CRISP1: variants seen among roughly 807,000 people sequenced by gnomAD.
The protein encoded by CRISP1 is cysteine-rich secretory protein 1.
A neutral mutation model predicts 33.1 loss-of-function variants in CRISP1; 44 were observed. The observed-to-expected ratio is 1.33, with a 90% CI of 1.05 to 1.71. The LOEUF (loss-of-function observed/expected upper bound fraction) is 1.71, where lower values mean the gene tolerates loss of function less well. Ranked by LOEUF, CRISP1 falls within the 40% of genes most tolerant of loss-of-function variation. The probability of loss-of-function intolerance (pLI) is 0.00; values close to 1 mark genes in which losing one functional copy is unlikely to be tolerated. For missense variants in CRISP1, 390 were observed against 301.2 expected (o/e 1.29, Z -2.18); for synonymous variants, 103 against 98.7 (o/e 1.04, Z -0.26).
intron 1 of CRISP1, among the ~76,000 whole-genome samples, chr6:49,876,653 G>A (rs147836526): frequency 6.6e-6 from 1 of 152,094 alleles, no homozygotes; most frequent in East Asian, 1.9e-4. Flanking sequence ...ATCAATTATA[G>A]GCTGGGTAAA....
At chr6:49,842,623 A>T (rs1771030848) in intron 5 of CRISP1, among the ~76,000 whole-genome samples, 1 of 152,046 alleles carries the variant, frequency 6.6e-6, no homozygotes, top group African/African-American at 2.4e-5. Context: ...GGGCTTACTC[A>T]CCTTCGCATT....
chr6:49,871,833 T>G (rs1379666103), intron 1 of CRISP1, among the ~76,000 whole-genome samples: 1 of 152,162 alleles, frequency 6.6e-6, no homozygotes. Flanking sequence ...AAGTCTTTGC[T>G]ATTGTGAATA....
At position 49,835,157 on chromosome 6, in the gene CRISP1, G is replaced by A. The variant is rs970769479; in HGVS notation, c.*159C>T. Reference sequence around the variant, plus strand: ...TCCAGCACTAAGAAAGTTTAAAACAGTGTTACTTCAGGATGTATCAGGATG... The same window carrying A: ...TCCAGCACTAAGAAAGTTTAAAACAATGTTACTTCAGGATGTATCAGGATG... On this transcript the variant is annotated 3_prime_UTR_variant, in exon 8 of 8. Transcript: ENST00000335847. The A allele has an allele frequency of 1.5e-6, 1 of 661,240 alleles. No individual in the cohort carries two copies. Among genetic ancestry groups the A allele is most frequent in the African/African-American group, 1.8e-5 (1 of 54,188 alleles). 41.0% of individuals were successfully genotyped at this position (661,240 alleles called of 1,614,324 possible). A position where few individuals can be genotyped will look rare whatever the true frequency, so the allele number is the denominator to read the frequency against.
chr6:49,860,772 G>T (rs1771625542), intron 1 of CRISP1, among the ~76,000 whole-genome samples: 1 of 151,812 alleles, frequency 6.6e-6, no homozygotes, highest in Non-Finnish European at 1.5e-5. Context: ...GTTTAGAGCA[G>T]AACTAGACAA....
chr6:49,841,178 C>A (rs1213336084), intron 5 of CRISP1, among the ~76,000 whole-genome samples, 183 bp from the exon 6 acceptor site: 1 of 152,124 alleles, frequency 6.6e-6, no homozygotes, highest in African/African-American at 2.4e-5. Flanking sequence ...CATGCATGTA[C>A]ACGCACATAG....
In CRISP1 at chr6:49,852,091, G is replaced by T. The variant is rs145871288; in HGVS notation, c.105C>A (p.Thr35=). 8 of 1,612,872 alleles carry T rather than the reference G, an allele frequency of 5.0e-6. No homozygotes were observed. The highest frequency in any genetic ancestry group is 5.1e-6 in the Non-Finnish European group (6 of 1,179,412). The change falls in exon 3 of 8, where the codon ACC becomes ACA. Residue 35 remains threonine, a synonymous_variant. Transcript: ENST00000335847. The stretch of plus-strand genomic sequence containing the variant: ...TCTCTTCTTGTACATTTGGCAAGTC[G>T]GTGACGAGCTTATTAAATTGGTCTC... ...SARDQFNKLV[T]DLPNVQEEIV... is the part of the protein sequence containing the mutation.
intron 1 of CRISP1, among the ~76,000 whole-genome samples, chr6:49,873,970 A>G (rs546251651): frequency 6.6e-6 from 1 of 152,210 alleles, no homozygotes; most frequent in South Asian, 2.1e-4. Context: ...ATTGGTTTAA[A>G]TACATTCCTT....
At chr6:49,873,516 C>T (rs998707424) in intron 1 of CRISP1, among the ~76,000 whole-genome samples, 5 of 151,974 alleles carry the variant, frequency 3.3e-5, no homozygotes, top group African/African-American at 1.2e-4. Context: ...GCTATTTTTC[C>T]TACCTAGAGA....
chr6:49,846,149 G>C (rs532991531), intron 5 of CRISP1, among the ~76,000 whole-genome samples: 4 of 152,076 alleles, frequency 2.6e-5, no homozygotes, highest in Non-Finnish European at 5.9e-5. Context: ...TAGTTAAAAT[G>C]GTAATTTTTT....
chr6:49,848,135 G>A (rs1023027886), intron 4 of CRISP1, 74 bp downstream of exon 4: 22 of 800,538 alleles, frequency 2.7e-5, no homozygotes, highest in Non-Finnish European at 4.1e-5. Flanking sequence ...CTTTCATCAG[G>A]GTACATAACA....
chr6:49,862,279 G>A (rs1265695498), intron 1 of CRISP1, among the ~76,000 whole-genome samples: 4 of 152,014 alleles, frequency 2.6e-5, no homozygotes, highest in Admixed American at 2.0e-4. Context: ...TACCAAAGAG[G>A]TGAAAAACTT....
intron 7 of CRISP1, among the ~76,000 whole-genome samples, chr6:49,836,284 T>A (rs2127467499): frequency 6.6e-6 from 1 of 152,212 alleles, no homozygotes; most frequent in East Asian, 1.9e-4. Flanking sequence ...TTATAAAGTT[T>A]GATCATTGCA....
At chr6:49,839,102 A>G (rs1298542920) in intron 6 of CRISP1, among the ~76,000 whole-genome samples, 1 of 152,034 alleles carries the variant, frequency 6.6e-6, no homozygotes, top group Non-Finnish European at 1.5e-5. Context: ...TGGGAAAGAA[A>G]GTAGATGAGA....
At chr6:49,862,894 T>A (rs2127477510) in intron 1 of CRISP1, among the ~76,000 whole-genome samples, 2 of 151,512 alleles carry the variant, frequency 1.3e-5, no homozygotes, top group East Asian at 3.9e-4. Context: ...GGTGACTGAG[T>A]CAAAATATGA....
At chr6:49,871,750 T>A (rs1331894039) in intron 1 of CRISP1, among the ~76,000 whole-genome samples, 1 of 152,018 alleles carries the variant, frequency 6.6e-6, no homozygotes, top group Non-Finnish European at 1.5e-5. Context: ...TATAGCTGCA[T>A]AGTATTCCAT....
intron 3 of CRISP1, 48 bp downstream of exon 3, chr6:49,851,953 A>G: frequency 1.3e-6 from 2 of 1,566,818 alleles, no homozygotes; most frequent in Non-Finnish European, 1.7e-6. Flanking sequence ...CTCAGTAAAC[A>G]CCATTACTAT....
Position 49,841,021 on chromosome 6 carries a change from T to G in CRISP1, c.436-26A>C, listed in dbSNP as rs376506764. 3.1e-4 allele frequency: 477 copies of G among 1,552,174 alleles called. 1 individual carries two copies. The highest frequency in any genetic ancestry group is 1.7e-3 in the Middle Eastern group (10 of 5,936). On this transcript the variant is annotated intron_variant, in intron 5 of 7. Transcript: ENST00000335847. The stretch of plus-strand genomic sequence containing the variant: ...CTGCAATGATAAAGAGTTGTTTTAT[T>G]ACAGATTAAATATTTTACTAAATGA...
intron 6 of CRISP1, among the ~76,000 whole-genome samples, chr6:49,839,593 T>C (rs1199859015): frequency 6.6e-6 from 1 of 152,232 alleles, no homozygotes; most frequent in African/African-American, 2.4e-5. Flanking sequence ...TATTTGTTTA[T>C]CTGAGCTGCT....
chr6:49,858,216 C>A (rs1036665742), intron 1 of CRISP1, among the ~76,000 whole-genome samples: 1 of 152,112 alleles, frequency 6.6e-6, no homozygotes, highest in East Asian at 1.9e-4. Flanking sequence ...ATGAGTCAGA[C>A]AAATCAGAGC....
Sources: gnomAD v4.1 joint callset for allele counts (sites outside exome capture counted in the v4.1 genomes callset) on GRCh38, gnomAD v4.1.1 for gene constraint, MANE v1.5 for transcripts, NCBI Gene and HGNC (gene_info 2026-07-23, HGNC 2026-07-21) for gene names.